Variants in KLHL13 observed in about 807,000 individuals in gnomAD.
KLHL13 encodes the protein kelch-like protein 13.
Under a neutral mutation model 37.1 loss-of-function variants are expected in KLHL13, and 10 were observed. That is an observed-to-expected ratio of 0.27 (90% CI 0.17 to 0.46). KLHL13 has a LOEUF of 0.46. KLHL13 is among the 20% of genes least tolerant of loss of function. The pLI is 1.00. For synonymous variants in KLHL13, 163 were observed against 181.2 expected (o/e 0.90, Z 0.81); for missense variants, 360 against 509.3 (o/e 0.71, Z 2.82).
At chrX:118,096,007 C>A (rs1463472497) in intron 1 of KLHL13, among the ~76,000 whole-genome samples, 3 of 111,668 alleles carry the variant, frequency 2.7e-5, no homozygotes, top group African/African-American at 9.8e-5. Context: ...CCTAACATCA[C>A]AATTAAAAGA....
intron 1 of KLHL13, among the ~76,000 whole-genome samples, chrX:118,096,538 C>T (rs1437691808): frequency 9.0e-6 from 1 of 111,636 alleles, no homozygotes; most frequent in East Asian, 2.8e-4. Flanking sequence ...GAAACTATTC[C>T]AATCAATAGA....
chrX:118,014,328 T>A (rs1476463481), intron 1 of KLHL13, among the ~76,000 whole-genome samples: 1 of 111,366 alleles, frequency 9.0e-6, no homozygotes, highest in African/African-American at 3.3e-5. Flanking sequence ...GTCTTATGGG[T>A]TTGAGATAAG....
intron 1 of KLHL13, among the ~76,000 whole-genome samples, chrX:118,089,846 A>C (rs2055108242): frequency 9.1e-6 from 1 of 110,329 alleles, no homozygotes; most frequent in Non-Finnish European, 1.9e-5. Flanking sequence ...TGGGAGGTCA[A>C]GGCAGGTGGA....
At chrX:117,964,801 T>C (rs1028332913) in intron 1 of KLHL13, among the ~76,000 whole-genome samples, 4 of 111,068 alleles carry the variant, frequency 3.6e-5, no homozygotes, top group Non-Finnish European at 7.5e-5. Context: ...AGTGTTCTCA[T>C]TGTTCAATTC....
At chrX:117,915,804 G>A in intron 4 of KLHL13, among the ~76,000 whole-genome samples, 1 of 112,380 alleles carries the variant, frequency 8.9e-6, no homozygotes. Context: ...GCAAATGCTA[G>A]ATGCTAAAAA....
chrX:118,025,208 CTAGCCCAGATGA>C (rs1448624517), intron 1 of KLHL13, among the ~76,000 whole-genome samples: 1 of 111,737 alleles, frequency 8.9e-6, no homozygotes, highest in Non-Finnish European at 1.9e-5. Flanking sequence ...ATATTCCACC[CTAGCCCAGATGA>C]TAGTACAGTA....
exon 7 of KLHL13, chrX:117,897,924 T>G (rs1480900450): frequency 1.8e-5 from 2 of 112,171 alleles, no homozygotes; most frequent in African/African-American, 6.5e-5. Context: ...AATAACCTTA[T>G]GAACTGAGTA....
chrX:117,978,403 G>A, upstream of KLHL13, among the ~76,000 whole-genome samples: 1 of 111,681 alleles, frequency 9.0e-6, no homozygotes, highest in East Asian at 2.8e-4. Flanking sequence ...AATAAGAGAT[G>A]CTAGTGTGTT....
intron 2 of KLHL13, among the ~76,000 whole-genome samples, chrX:117,928,772 A>T (rs1932228552): frequency 8.9e-6 from 1 of 111,944 alleles, no homozygotes; most frequent in Non-Finnish European, 1.9e-5. Context: ...TTTCCTTCTT[A>T]AAAAACTAGA....
intron 1 of KLHL13, among the ~76,000 whole-genome samples, chrX:117,955,217 C>T (rs1933841711): frequency 9.0e-6 from 1 of 111,684 alleles, no homozygotes; most frequent in African/African-American, 3.3e-5. Flanking sequence ...ATTCATTAAT[C>T]AACTGCTAAA....
intron 5 of KLHL13, among the ~76,000 whole-genome samples, chrX:117,903,402 G>C (rs756728772): frequency 9.0e-6 from 1 of 111,205 alleles, no homozygotes; most frequent in Admixed American, 9.6e-5. Context: ...CTACTGCTTT[G>C]TTGGCTTTGT....
intron 1 of KLHL13, among the ~76,000 whole-genome samples, chrX:118,056,384 C>A (rs1046311948): frequency 9.0e-6 from 1 of 111,048 alleles, no homozygotes; most frequent in Non-Finnish European, 1.9e-5. Flanking sequence ...TAATACTCCC[C>A]AAAGTGACCT....
intron 2 of KLHL13, among the ~76,000 whole-genome samples, chrX:117,920,576 T>G (rs145487072): frequency 4.1e-4 from 46 of 112,273 alleles, no homozygotes; most frequent in African/African-American, 1.4e-3. Context: ...TAACACAAAA[T>G]TAAGACTAAT....
intron 4 of KLHL13, chrX:117,914,217 A>T (rs1446152327): frequency 4.6e-5 from 5 of 109,450 alleles, no homozygotes; most frequent in Admixed American, 3.1e-4. Flanking sequence ...TTTAGAAAAA[A>T]ATGGGTATCT....
chrX:118,016,627 A>C (rs1330302611), intron 1 of KLHL13, among the ~76,000 whole-genome samples: 2 of 111,826 alleles, frequency 1.8e-5, no homozygotes, highest in Non-Finnish European at 3.8e-5. Flanking sequence ...GGGCTCCCTT[A>C]GGCATAAGCA....
intron 1 of KLHL13, 78 bp from the exon 3 acceptor site, chrX:117,945,653 T>C: frequency 1.2e-6 from 1 of 860,751 alleles, no homozygotes; most frequent in Non-Finnish European, 1.7e-6. Flanking sequence ...AGAAAAATAA[T>C]CAGTCACTAT....
chrX:117,938,969 CTGGGATACATG>C (rs1932902400), intron 2 of KLHL13, among the ~76,000 whole-genome samples: 3 of 109,527 alleles, frequency 2.7e-5, no homozygotes, highest in Non-Finnish European at 3.8e-5. Context: ...ACTTAAAGTT[CTGGGATACATG>C]TGCAGAACAT....
intron 2 of KLHL13, among the ~76,000 whole-genome samples, chrX:117,934,844 T>G (rs1448908840): frequency 8.2e-5 from 9 of 109,989 alleles, no homozygotes; most frequent in Admixed American, 9.7e-5. Context: ...TTTTTTTTCT[T>G]CCAGAATCAC....
intron 1 of KLHL13, among the ~76,000 whole-genome samples, chrX:118,007,392 A>AAG (rs1555984409): frequency 1.6e-4 from 17 of 103,976 alleles, no homozygotes; most frequent in African/African-American, 3.4e-4. Context: ...AAAAAAAAAA[A>AAG]AGAGAGAGAG....
Sources: gnomAD v4.1 joint callset for allele counts (sites outside exome capture counted in the v4.1 genomes callset) on GRCh38, gnomAD v4.1.1 for gene constraint, MANE v1.5 for transcripts, NCBI Gene and HGNC (gene_info 2026-07-23, HGNC 2026-07-21) for gene names.